ZBTB7C: variants seen among roughly 807,000 people sequenced by gnomAD.
ZBTB7C encodes the protein zinc finger and BTB domain containing 7C, also known as zinc finger and BTB domain-containing protein 7C.
Under a neutral mutation model 25.7 loss-of-function variants are expected in ZBTB7C, and 8 were observed. The ratio of observed to expected loss-of-function variants is 0.31; its 90% CI spans 0.18 to 0.56. The LOEUF is 0.56. ZBTB7C is among the 20% of genes least tolerant of loss of function. The pLI is 0.91. For synonymous variants in ZBTB7C, 394 were observed against 369.0 expected (o/e 1.07, Z -0.78); for missense variants, 824 against 855.2 (o/e 0.96, Z 0.46).
chr18:48,281,505 C>T (rs1406250446), intron 2 of ZBTB7C, among the ~76,000 whole-genome samples: 1 of 152,148 alleles, frequency 6.6e-6, no homozygotes, highest in Non-Finnish European at 1.5e-5. Context: ...AAAGAAACTA[C>T]TATCAGAGTG....
At chr18:48,347,750 A>C (rs904742319) in intron 1 of ZBTB7C, among the ~76,000 whole-genome samples, 1 of 152,196 alleles carries the variant, frequency 6.6e-6, no homozygotes, top group African/African-American at 2.4e-5. Flanking sequence ...TGTGGTCACA[A>C]AAGAGAATTG....
intron 2 of ZBTB7C, among the ~76,000 whole-genome samples, chr18:48,292,406 G>GT (rs1167230962): frequency 1.3e-5 from 2 of 152,124 alleles, no homozygotes; most frequent in African/African-American, 4.8e-5. Context: ...TTAGGCCTGT[G>GT]TGACTCCAGA....
At chr18:48,280,209 G>T (rs1486230540) in intron 2 of ZBTB7C, among the ~76,000 whole-genome samples, 1 of 152,106 alleles carries the variant, frequency 6.6e-6, no homozygotes, top group Non-Finnish European at 1.5e-5. Flanking sequence ...GGCAGGAAAG[G>T]TACCATGGAG....
At chr18:48,062,666 C>T (rs370819711) in intron 3 of ZBTB7C, among the ~76,000 whole-genome samples, 17 of 152,150 alleles carry the variant, frequency 1.1e-4, no homozygotes, top group Non-Finnish European at 2.1e-4. Context: ...AAGTCAGTGG[C>T]CTGTTCCATT....
At chr18:48,116,252 C>G (rs1454044693) in intron 3 of ZBTB7C, among the ~76,000 whole-genome samples, 1 of 152,104 alleles carries the variant, frequency 6.6e-6, no homozygotes, top group Admixed American at 6.6e-5. Context: ...CCCAGGCTGC[C>G]TCTCCCGCTG....
At chr18:48,126,806 C>G (rs1201390129) in intron 3 of ZBTB7C, among the ~76,000 whole-genome samples, 2 of 151,972 alleles carry the variant, frequency 1.3e-5, no homozygotes, top group African/African-American at 4.8e-5. Context: ...TGTGGAGGAT[C>G]TAAAGTCTTG....
At chr18:48,075,144 C>A in intron 3 of ZBTB7C, among the ~76,000 whole-genome samples, 2 of 152,254 alleles carry the variant, frequency 1.3e-5, no homozygotes, top group South Asian at 2.1e-4. Flanking sequence ...CTGCCTCCCC[C>A]ACCCACAGTG....
chr18:48,386,454 A>T (rs746027370), intron 1 of ZBTB7C, among the ~76,000 whole-genome samples: 1 of 139,640 alleles, frequency 7.2e-6, no homozygotes, highest in Non-Finnish European at 1.6e-5. Flanking sequence ...GATGTCAACA[A>T]AGTGGTACTG....
intron 2 of ZBTB7C, among the ~76,000 whole-genome samples, chr18:48,231,426 G>C (rs964535430): frequency 7.2e-5 from 11 of 152,022 alleles, no homozygotes; most frequent in African/African-American, 1.9e-4. Context: ...TGAGAGCTGA[G>C]AAAATAATAG....
At chr18:48,327,631 C>G (rs2046250998) in intron 2 of ZBTB7C, among the ~76,000 whole-genome samples, 1 of 152,164 alleles carries the variant, frequency 6.6e-6, no homozygotes. Context: ...CATTGCTAAG[C>G]CACAGTACTT....
intron 2 of ZBTB7C, among the ~76,000 whole-genome samples, chr18:48,203,260 T>C (rs2042498796): frequency 6.6e-6 from 1 of 152,150 alleles, no homozygotes; most frequent in African/African-American, 2.4e-5. Flanking sequence ...ACACACAGCG[T>C]GGCTCCAAGC....
intron 2 of ZBTB7C, among the ~76,000 whole-genome samples, chr18:48,226,400 ACAAT>A (rs2043093094): frequency 6.6e-6 from 1 of 152,186 alleles, no homozygotes; most frequent in African/African-American, 2.4e-5. Flanking sequence ...ACAATCAATC[ACAAT>A]CAACCATACA....
At chr18:48,228,806 C>A (rs1165095463) in intron 2 of ZBTB7C, among the ~76,000 whole-genome samples, 1 of 151,604 alleles carries the variant, frequency 6.6e-6, no homozygotes, top group African/African-American at 2.4e-5. Context: ...CATGAACACA[C>A]CCCCATGCAC....
At chr18:48,188,773 A>G (rs1257865086) in intron 2 of ZBTB7C, among the ~76,000 whole-genome samples, 2 of 151,936 alleles carry the variant, frequency 1.3e-5, no homozygotes, top group Admixed American at 1.3e-4. Context: ...CTGGGCTCCT[A>G]TTACACTTTC....
chr18:48,389,218 CTCTCTCTCTCTCTCTCTCGT>C (rs1222566954), intron 1 of ZBTB7C, among the ~76,000 whole-genome samples: 37 of 126,918 alleles, frequency 2.9e-4, no homozygotes, highest in Admixed American at 2.0e-3. Context: ...CTCTCTCTCT[CTCTCTCTCTCTCTCTCTCGT>C]GTGTGTGTGT....
intron 3 of ZBTB7C, among the ~76,000 whole-genome samples, chr18:48,101,376 T>C (rs965654392): frequency 3.9e-5 from 6 of 152,266 alleles, no homozygotes; most frequent in Non-Finnish European, 7.3e-5. Context: ...AGTAAACAGG[T>C]GGATTTAAAC....
chr18:48,143,337 G>T (rs1220462700), intron 3 of ZBTB7C, among the ~76,000 whole-genome samples: 1 of 152,170 alleles, frequency 6.6e-6, no homozygotes, highest in Non-Finnish European at 1.5e-5. Flanking sequence ...CAAAGCAGGG[G>T]AAAGATTTAA....
chr18:48,039,051 A>T (rs1416829072), intron 4 of ZBTB7C, among the ~76,000 whole-genome samples: 2 of 152,236 alleles, frequency 1.3e-5, no homozygotes, highest in Non-Finnish European at 2.9e-5. Context: ...TTTTGAGTAC[A>T]AAAGTTGCTG....
At chr18:48,148,273 T>C (rs2040561087) in intron 3 of ZBTB7C, 1 of 151,280 alleles carries the variant, frequency 6.6e-6, no homozygotes, top group Non-Finnish European at 1.5e-5. Flanking sequence ...CCTCCCAAAG[T>C]GTTGGGATTA....
Sources: allele counts gnomAD v4.1 joint callset (sites outside exome capture counted in the v4.1 genomes callset), GRCh38; gene constraint gnomAD v4.1.1; transcripts MANE v1.5; gene names NCBI Gene and HGNC (gene_info 2026-07-23, HGNC 2026-07-21).